Variants in NCKAP5 observed in about 807,000 individuals in gnomAD.
NCKAP5 encodes nck-associated protein 5.
Under a neutral mutation model 167.0 loss-of-function variants are expected in NCKAP5, and 92 were observed. The observed-to-expected ratio is 0.55, with a 90% confidence interval of 0.47 to 0.66. The LOEUF is 0.66. Ranked by LOEUF, NCKAP5 falls within the 30% of genes least tolerant of loss-of-function variation. The pLI, the probability that NCKAP5 is intolerant of heterozygous loss-of-function variation, is 0.00. For synonymous variants in NCKAP5, 891 were observed against 877.4 expected (o/e 1.02, Z -0.27); for missense variants, 2,378 against 2,315.0 (o/e 1.03, Z -0.56).
intron 3 of NCKAP5, among the ~76,000 whole-genome samples, chr2:133,487,772 C>T (rs1457551366): frequency 1.3e-5 from 2 of 152,114 alleles, no homozygotes. Flanking sequence ...GTGGTCTTAC[C>T]CACCCCAGGC....
At chr2:133,479,506 A>G (rs1836671) in intron 3 of NCKAP5, among the ~76,000 whole-genome samples, 84,918 of 152,088 alleles carry the variant, frequency 0.56, 24,724 homozygotes, top group African/African-American at 0.74. Flanking sequence ...AACTTGAAAT[A>G]TTTCTAATGC....
At chr2:133,462,371 T>G (rs1303839647) in intron 3 of NCKAP5, among the ~76,000 whole-genome samples, 2 of 152,234 alleles carry the variant, frequency 1.3e-5, no homozygotes, top group Admixed American at 6.5e-5. Flanking sequence ...TACTAAATCT[T>G]GGCTTCTACA....
chr2:133,459,715 C>A (rs571364320), intron 3 of NCKAP5, among the ~76,000 whole-genome samples: 1 of 152,260 alleles, frequency 6.6e-6, no homozygotes, highest in South Asian at 2.1e-4. Flanking sequence ...CTAATCATTA[C>A]AGACAGCTTT....
chr2:133,501,261 T>C (rs1682484520), intron 3 of NCKAP5, among the ~76,000 whole-genome samples: 1 of 152,212 alleles, frequency 6.6e-6, no homozygotes, highest in Admixed American at 6.5e-5. Context: ...GGCATTGTAC[T>C]ATAAGCTGAG....
chr2:132,746,087 A>T (rs1232488492), intron 16 of NCKAP5, among the ~76,000 whole-genome samples: 1 of 152,052 alleles, frequency 6.6e-6, no homozygotes, highest in Admixed American at 6.5e-5. Context: ...ATTGATTCTA[A>T]AATTATGTGA....
At chr2:133,156,624 C>T (rs532278899) in intron 5 of NCKAP5, among the ~76,000 whole-genome samples, 6 of 152,274 alleles carry the variant, frequency 3.9e-5, no homozygotes, top group South Asian at 4.1e-4. Flanking sequence ...TCATCTTCCA[C>T]GACAATGCTT....
chr2:133,200,560 A>C (rs1302908790), intron 5 of NCKAP5, among the ~76,000 whole-genome samples: 2 of 152,168 alleles, frequency 1.3e-5, no homozygotes, highest in African/African-American at 2.4e-5. Flanking sequence ...GGTTAGTTAA[A>C]GCCTTCTTAG....
chr2:132,717,547 G>C (rs554648051), intron 19 of NCKAP5, among the ~76,000 whole-genome samples: 11 of 152,306 alleles, frequency 7.2e-5, no homozygotes, highest in Non-Finnish European at 7.3e-5. Flanking sequence ...CAGGATGGCA[G>C]CGTTTTTAAA....
chr2:133,210,821 A>G (rs918411540), intron 5 of NCKAP5, among the ~76,000 whole-genome samples: 3 of 152,194 alleles, frequency 2.0e-5, no homozygotes, highest in African/African-American at 7.2e-5. Context: ...AGGAATTGAA[A>G]TGTGACAAAT....
chr2:133,532,248 G>A (rs1412850292), intron 2 of NCKAP5, among the ~76,000 whole-genome samples: 1 of 152,202 alleles, frequency 6.6e-6, no homozygotes, highest in African/African-American at 2.4e-5. Flanking sequence ...AAAAGAATGG[G>A]TATTAGTTGT....
chr2:132,933,921 G>C (rs1486276603), intron 8 of NCKAP5, among the ~76,000 whole-genome samples: 1 of 152,190 alleles, frequency 6.6e-6, no homozygotes, highest in Non-Finnish European at 1.5e-5. Context: ...CCGAAGAGCA[G>C]GATAAATTGT....
chr2:132,801,271 G>A (rs1003796339), intron 11 of NCKAP5, among the ~76,000 whole-genome samples: 2 of 151,456 alleles, frequency 1.3e-5, no homozygotes, highest in South Asian at 4.1e-4. Flanking sequence ...TTGACACAAG[G>A]AAGATACCAA....
At chr2:133,364,776 CAG>C (rs1344156808) in intron 3 of NCKAP5, among the ~76,000 whole-genome samples, 1 of 150,668 alleles carries the variant, frequency 6.6e-6, no homozygotes, top group African/African-American at 2.4e-5. Context: ...TTTTTTGAGA[CAG>C]AGTCTCAATA....
chr2:133,074,593 C>T (rs969339929), intron 6 of NCKAP5, among the ~76,000 whole-genome samples: 1 of 152,092 alleles, frequency 6.6e-6, no homozygotes, highest in Non-Finnish European at 1.5e-5. Flanking sequence ...AACTTCTGAG[C>T]TCAAGCAATC....
At chr2:133,534,834 G>A (rs898034472) in intron 2 of NCKAP5, among the ~76,000 whole-genome samples, 5 of 151,910 alleles carry the variant, frequency 3.3e-5, no homozygotes, top group South Asian at 2.1e-4. Flanking sequence ...TTTACTCTTG[G>A]GTATATACTT....
chr2:132,943,986 C>T (rs1697500298), intron 8 of NCKAP5, among the ~76,000 whole-genome samples: 1 of 152,180 alleles, frequency 6.6e-6, no homozygotes, highest in South Asian at 2.1e-4. Flanking sequence ...TGAGAGTTTG[C>T]TCTGCTCTTC....
the NCKAP5 span, among the ~76,000 whole-genome samples, chr2:133,599,566 A>G: frequency 2.0e-5 from 3 of 152,202 alleles, no homozygotes; most frequent in Non-Finnish European, 2.9e-5. Context: ...GGCATACTGG[A>G]TAATTGGATA....
At chr2:133,459,411 T>C (rs1692063258) in intron 3 of NCKAP5, among the ~76,000 whole-genome samples, 1 of 151,990 alleles carries the variant, frequency 6.6e-6, no homozygotes, top group African/African-American at 2.4e-5. Flanking sequence ...CTTATATGAG[T>C]GTAAGGTTCT....
chr2:133,286,470 T>C (rs1679149971), intron 4 of NCKAP5, among the ~76,000 whole-genome samples: 1 of 152,172 alleles, frequency 6.6e-6, no homozygotes. Context: ...AATAATGACT[T>C]ATATTCTTTG....
Sources: gnomAD v4.1 joint callset for allele counts (sites outside exome capture counted in the v4.1 genomes callset) on GRCh38, gnomAD v4.1.1 for gene constraint, MANE v1.5 for transcripts, NCBI Gene and HGNC (gene_info 2026-07-23, HGNC 2026-07-21) for gene names.